TBC1D15: variants seen among roughly 807,000 people sequenced by gnomAD.
TBC1D15 encodes TBC1 domain family member 15, also known as GAP for RAB7.
Under a neutral mutation model 95.4 loss-of-function variants are expected in TBC1D15, and 39 were observed. The observed-to-expected ratio is 0.41, with a 90% CI of 0.32 to 0.53. The LOEUF (loss-of-function observed/expected upper bound fraction) is 0.53, where lower values mean the gene tolerates loss of function less well. Among genes scored for constraint, TBC1D15 ranks in the 20% least tolerant of loss-of-function variants. The probability of loss-of-function intolerance (pLI) is 0.29; values close to 1 mark genes in which losing one functional copy is unlikely to be tolerated. For missense variants in TBC1D15, 733 were observed against 794.3 expected, an observed-to-expected ratio of 0.92 and a Z score of 0.93; for synonymous variants, 258 against 261.3, an observed-to-expected ratio of 0.99 and a Z score of 0.12.
At chr12:71,905,094 TA>T (rs1900360882) in intron 10 of TBC1D15, among the ~76,000 whole-genome samples, 1 of 152,184 alleles carries the variant, frequency 6.6e-6, no homozygotes, top group Non-Finnish European at 1.5e-5. Flanking sequence ...AACATTTTTA[TA>T]TATTACTTTT....
At chr12:71,922,811 AG>A (rs1194392709) in intron 16 of TBC1D15, among the ~76,000 whole-genome samples, 171 bp from the exon 17 acceptor site, 10 of 152,238 alleles carry the variant, frequency 6.6e-5, no homozygotes, top group African/African-American at 2.4e-4. Context: ...AAAGGTGGTT[AG>A]CATTTCATTT....
chr12:71,919,930 C>T (rs540291372), intron 14 of TBC1D15, among the ~76,000 whole-genome samples: 40 of 152,100 alleles, frequency 2.6e-4, no homozygotes, highest in Admixed American at 7.9e-4. Context: ...TTTAATGAAA[C>T]CTTTGAGGTT....
At chr12:71,865,762 A>G (rs1565970239) in intron 1 of TBC1D15, among the ~76,000 whole-genome samples, 1 of 152,014 alleles carries the variant, frequency 6.6e-6, no homozygotes, top group Non-Finnish European at 1.5e-5. Flanking sequence ...GATATGGGGT[A>G]CTGTGTCAGC....
intron 1 of TBC1D15, among the ~76,000 whole-genome samples, chr12:71,841,917 C>T (rs959492308): frequency 2.6e-5 from 4 of 152,184 alleles, no homozygotes; most frequent in Non-Finnish European, 4.4e-5. Flanking sequence ...TGCTTCCCTA[C>T]TTCCTAATCT....
chr12:71,848,854 C>T (rs1011012374), intron 1 of TBC1D15, among the ~76,000 whole-genome samples: 1 of 152,156 alleles, frequency 6.6e-6, no homozygotes, highest in African/African-American at 2.4e-5. Context: ...GTTTGTCAAG[C>T]TCCTAGGCTT....
chr12:71,861,439 T>C lies in TBC1D15; in HGVS notation c.31-10631T>C, dbSNP rs775040252. 9.3e-6 allele frequency: 14 copies of C among 1,508,672 alleles called. No homozygotes were observed. The South Asian group carries it at 1.3e-4, about 14-fold the overall frequency. The allele number at this position is 1,508,672 out of a possible 1,614,324, so 93.5% of individuals were successfully genotyped here. A position where few individuals can be genotyped will look rare whatever the true frequency, so the allele number is the denominator to read the frequency against. On this transcript the variant is annotated intron_variant, in intron 1 of 16. Transcript: ENST00000485960. Reference sequence around the variant, plus strand: ...TTCTTCTTGATTCAATCTTGATAAGTAGTATGTGTCCAGGACTTTATCCAT... The same window carrying C: ...TTCTTCTTGATTCAATCTTGATAAGCAGTATGTGTCCAGGACTTTATCCAT...
chr12:71,886,264 G>C (rs929202344), intron 5 of TBC1D15, among the ~76,000 whole-genome samples: 3 of 152,084 alleles, frequency 2.0e-5, no homozygotes, highest in African/African-American at 7.2e-5. Context: ...TGCCTCGTGG[G>C]TTCAGACAGT....
chr12:71,862,062 T>A (rs1030614269), intron 1 of TBC1D15, among the ~76,000 whole-genome samples: 1 of 152,234 alleles, frequency 6.6e-6, no homozygotes, highest in Non-Finnish European at 1.5e-5. Flanking sequence ...CTCAGTTCTT[T>A]TAAACTTGTT....
intron 1 of TBC1D15, among the ~76,000 whole-genome samples, chr12:71,863,714 GTCACTCTTTTT>G: frequency 6.6e-6 from 1 of 152,184 alleles, no homozygotes; most frequent in South Asian, 2.1e-4. Flanking sequence ...ATAGGCTTTT[GTCACTCTTTTT>G]TTTCCCCTCA....
At chr12:71,874,341 G>A (rs1052985478) in intron 3 of TBC1D15, among the ~76,000 whole-genome samples, 33 of 152,230 alleles carry the variant, frequency 2.2e-4, no homozygotes, top group African/African-American at 7.5e-4. Flanking sequence ...AATGACTAAT[G>A]TTGTTGAACA....
chr12:71,863,463 T>C (rs567986778), intron 1 of TBC1D15, among the ~76,000 whole-genome samples: 1 of 152,342 alleles, frequency 6.6e-6, no homozygotes, highest in South Asian at 2.1e-4. Flanking sequence ...TTTCCTGCTG[T>C]TTTTAGAATT....
intron 14 of TBC1D15, 54 bp downstream of exon 14, chr12:71,918,602 T>C: frequency 2.5e-6 from 3 of 1,210,874 alleles, no homozygotes; most frequent in African/African-American, 3.1e-5. Context: ...AAGAAACAAT[T>C]TATTCTGTAG....
chr12:71,872,488 T>C (rs114964333), intron 2 of TBC1D15, among the ~76,000 whole-genome samples: 4,751 of 152,272 alleles, frequency 0.031, 253 homozygotes, highest in African/African-American at 0.11. Context: ...TTGGGCAAAA[T>C]TATCTAACAT....
In TBC1D15 at chr12:71,897,830, CA is replaced by C; in HGVS notation, c.1089-14del. 1 of 1,596,520 alleles carries C rather than the reference CA, an allele frequency of 6.3e-7. No homozygotes were observed. Among genetic ancestry groups the C allele is most frequent in the East Asian group, 2.2e-5 (1 of 44,500 alleles). On this transcript the variant is annotated splice_polypyrimidine_tract_variant and intron_variant, in intron 9 of 16. Transcript: ENST00000485960. ...GTTTTCAAATAGCTTTCTTTGATGT[CA>C]AATTGTTTTCTATAGTGATGAATAC... is the stretch of plus-strand genomic sequence containing the variant.
At chr12:71,917,890 G>A in intron 13 of TBC1D15, 93 bp downstream of exon 13, 1 of 794,536 alleles carries the variant, frequency 1.3e-6, no homozygotes, top group Non-Finnish European at 2.1e-6. Flanking sequence ...CAGGTGCAGT[G>A]GCTCATGCCT....
chr12:71,851,168 G>A (rs550046629), intron 1 of TBC1D15, among the ~76,000 whole-genome samples: 66 of 152,106 alleles, frequency 4.3e-4, no homozygotes, highest in African/African-American at 1.3e-3. Flanking sequence ...AAGCCAACAC[G>A]TCACATAGAG....
At chr12:71,875,130 G>C (rs547107015) in intron 3 of TBC1D15, among the ~76,000 whole-genome samples, 1 of 151,182 alleles carries the variant, frequency 6.6e-6, no homozygotes, top group Admixed American at 6.6e-5. Context: ...GTAGAGACAG[G>C]GTTTCAGCAT....
intron 5 of TBC1D15, among the ~76,000 whole-genome samples, chr12:71,886,763 C>T (rs1273817603): frequency 6.6e-6 from 1 of 152,076 alleles, no homozygotes; most frequent in African/African-American, 2.4e-5. Context: ...GATAGGTTAC[C>T]ATTGAGAGGA....
chr12:71,844,277 T>A (rs1885775579), intron 1 of TBC1D15, among the ~76,000 whole-genome samples: 1 of 152,246 alleles, frequency 6.6e-6, no homozygotes, highest in African/African-American at 2.4e-5. Flanking sequence ...GTCTTCAGGA[T>A]AAATTTCAAA....
Sources: gnomAD v4.1 joint callset for allele counts (sites outside exome capture counted in the v4.1 genomes callset) on GRCh38, gnomAD v4.1.1 for gene constraint, MANE v1.5 for transcripts, NCBI Gene and HGNC (gene_info 2026-07-23, HGNC 2026-07-21) for gene names.